The following TUBA4B variants were observed in gnomAD, a reference collection of about 807,000 sequenced individuals.
TUBA4B encodes the protein tubulin-like protein alpha-4B.
Under a neutral mutation model 18.4 loss-of-function variants are expected in TUBA4B, and 13 were observed. That is an observed-to-expected ratio of 0.71 (90% CI 0.46 to 1.12). TUBA4B has a LOEUF of 1.12. Ranked by LOEUF, TUBA4B falls within the 50% of genes most tolerant of loss-of-function variation. The pLI is 0.00. For synonymous variants in TUBA4B, 101 were observed against 99.1 expected (o/e 1.02, Z -0.11); for missense variants, 244 against 250.0 (o/e 0.98, Z 0.16).
chr2:219,266,313 C>T, intron 1 of TUBA4B: 1 of 560,852 alleles, frequency 1.8e-6, no homozygotes, highest in Non-Finnish European at 3.2e-6. Context: ...CTAGCCCTGG[C>T]CCCTCCTCTG....
intron 1 of TUBA4B, among the ~76,000 whole-genome samples, chr2:219,264,850 G>T (rs1278657289): frequency 3.3e-5 from 5 of 152,342 alleles, no homozygotes; most frequent in Admixed American, 6.5e-5. Context: ...GGCTACTGTG[G>T]TGTGATTTCC....
rs1338602903 is a variant in TUBA4B at position 219,256,662 on chromosome 2, AAG to A, written c.12+3244_12+3245del. ...CCAGTGTAATTTCAAGGGTCCTTAT[AAG>A]TGAAAGAAGGAGGCAGGAGGGTCAG... On this transcript the variant is annotated intron_variant, in intron 1 of 3. Transcript: ENST00000490341. Among the ~76,000 whole-genome samples, 7 of 152,280 alleles carry A rather than the reference AAG, an allele frequency of 4.6e-5. No individual in the cohort carries two copies. The South Asian group carries it at 6.2e-4, about 14-fold the overall frequency.
Position 219,254,021 on chromosome 2 carries a change from G to T in TUBA4B, c.12+602G>T, listed in dbSNP as rs908137982. The T allele has an allele frequency of 1.0e-5, 7 of 673,118 alleles. No homozygotes were observed. The African/African-American group carries it at 1.1e-4, about 11-fold the overall frequency. The allele number at this position is 673,118 out of a possible 1,614,324, so 41.7% of individuals were successfully genotyped here. On this transcript the variant is annotated intron_variant, in intron 1 of 3. Coordinates refer to ENST00000490341, the MANE Select transcript of TUBA4B (RefSeq NM_001355221.1). ...GGGCGGCCCGCAGGCCACGCCTCCC[G>T]GGAGGGTAAGCGGCCCCCCCGAGGG...
rs1951679592 is a variant in TUBA4B at position 219,253,352 on chromosome 2, C to CA, written c.-55dup. ...TCAGCTCAGACGCGGGGTGCTGAGTCACGGGGGGGGGGTGGTTCTGTGGAT... is the reference window on the plus strand; with the variant it reads ...TCAGCTCAGACGCGGGGTGCTGAGTCAACGGGGGGGGGGTGGTTCTGTGGAT... On this transcript the variant is annotated 5_prime_UTR_variant, in exon 1 of 4. Coordinates refer to ENST00000490341, the MANE Select transcript of TUBA4B (RefSeq NM_001355221.1). The CA allele has an allele frequency of 1.3e-6, 2 of 1,524,552 alleles. No individual in the cohort carries two copies. Among genetic ancestry groups the CA allele is most frequent in the Non-Finnish European group, 8.8e-7 (1 of 1,142,674 alleles). The allele number at this position is 1,524,552 out of a possible 1,614,324, so 94.4% of individuals were successfully genotyped here. A position where few individuals can be genotyped will look rare whatever the true frequency, so the allele number is the denominator to read the frequency against.
intron 1 of TUBA4B, among the ~76,000 whole-genome samples, chr2:219,262,205 G>A (rs1258595701): frequency 6.6e-6 from 1 of 152,192 alleles, no homozygotes; most frequent in African/African-American, 2.4e-5. Flanking sequence ...CAGCAACTCG[G>A]GAGGCTGAAG....
chr2:219,270,189 G>T lies in TUBA4B; in HGVS notation c.59-13G>T. 5.5e-6 allele frequency: 4 copies of T among 732,860 alleles called. No homozygotes were observed. The highest frequency in any genetic ancestry group is 7.5e-6 in the Non-Finnish European group (3 of 397,560). The allele number at this position is 732,860 out of a possible 1,614,324, so 45.4% of individuals were successfully genotyped here. A position where few individuals can be genotyped will look rare whatever the true frequency, so the allele number is the denominator to read the frequency against. ...GCCCAAAACTCTGCCCACTGCAGAT[G>T]AACTTTGAACAGGCACATACCGCCA... is the stretch of plus-strand genomic sequence containing the variant. On this transcript the variant is annotated splice_polypyrimidine_tract_variant and intron_variant, in intron 2 of 3. Transcript: ENST00000490341.
At chr2:219,264,408 T>C (rs564500334) in intron 1 of TUBA4B, among the ~76,000 whole-genome samples, 11 of 148,576 alleles carry the variant, frequency 7.4e-5, no homozygotes, top group African/African-American at 2.7e-4. Flanking sequence ...TGCAGTGAGC[T>C]GAGATCATGC....
rs1951818657 is a variant in TUBA4B, at chr2:219,270,449, G to A, written c.192+114G>A. The A allele has an allele frequency of 7.7e-6, 5 of 650,594 alleles. No individual in the cohort carries two copies. In the Admixed American group the frequency reaches 8.8e-5, roughly 11 times the overall value. The allele number at this position is 650,594 out of a possible 1,614,324, so 40.3% of individuals were successfully genotyped here. The stretch of plus-strand genomic sequence containing the variant: ...CTTCAGCCTCTGGGAGAAACACACA[G>A]GATCAGGACCAATGAGGAGAGGCCC... On this transcript the variant is annotated intron_variant, in intron 3 of 3. Coordinates refer to ENST00000490341, the MANE Select transcript of TUBA4B (RefSeq NM_001355221.1).
At chr2:219,257,163 C>T (rs1302914910) in intron 1 of TUBA4B, among the ~76,000 whole-genome samples, 1 of 150,002 alleles carries the variant, frequency 6.7e-6, no homozygotes, top group Non-Finnish European at 1.5e-5. Flanking sequence ...CCTGCCTCAG[C>T]CTCCCGAGTA....
intron 1 of TUBA4B, among the ~76,000 whole-genome samples, chr2:219,265,921 C>CAG (rs1951786770): frequency 6.6e-6 from 1 of 152,236 alleles, no homozygotes; most frequent in Non-Finnish European, 1.5e-5. Flanking sequence ...CCCCATTCTC[C>CAG]AGAGAGAGAA....
chr2:219,262,595 C>T (rs1951766101), intron 1 of TUBA4B, among the ~76,000 whole-genome samples: 1 of 152,188 alleles, frequency 6.6e-6, no homozygotes, highest in African/African-American at 2.4e-5. Flanking sequence ...GCAACCTTGA[C>T]CTCCTGCGCT....
intron 1 of TUBA4B, among the ~76,000 whole-genome samples, chr2:219,262,576 C>T (rs947673117): frequency 2.0e-5 from 3 of 152,138 alleles, no homozygotes; most frequent in South Asian, 2.1e-4. Flanking sequence ...GGCATGATCA[C>T]GGCTCACTGC....
chr2:219,258,116 C>T (rs1951733910), intron 1 of TUBA4B, among the ~76,000 whole-genome samples: 1 of 150,568 alleles, frequency 6.6e-6, no homozygotes, highest in Non-Finnish European at 1.5e-5. Context: ...GCCTCAAAGT[C>T]CCGAGTAGCT....
chr2:219,255,688 G>A (rs145234656), intron 1 of TUBA4B, among the ~76,000 whole-genome samples: 1 of 152,234 alleles, frequency 6.6e-6, no homozygotes, highest in Non-Finnish European at 1.5e-5. Context: ...TTTTCTAATT[G>A]TCTCCCTTCA....
At chr2:219,259,163 TAAATA>T (rs1559279745) in intron 1 of TUBA4B, among the ~76,000 whole-genome samples, 24 of 147,366 alleles carry the variant, frequency 1.6e-4, no homozygotes, top group African/African-American at 6.2e-4. Flanking sequence ...AATAAATAAA[TAAATA>T]AATTATCCGG....
intron 1 of TUBA4B, chr2:219,266,140 G>A: frequency 1.0e-5 from 2 of 196,578 alleles, no homozygotes; most frequent in Non-Finnish European, 2.1e-5. Context: ...CTAGGGCAGG[G>A]GAGTGCAGGG....
chr2:219,270,013 A>T (rs1182911825), intron 2 of TUBA4B, among the ~76,000 whole-genome samples, 189 bp from the exon 3 acceptor site: 2 of 152,106 alleles, frequency 1.3e-5, no homozygotes, highest in Non-Finnish European at 2.9e-5. Flanking sequence ...GCCACTCCAC[A>T]TCCCTTTCCT....
intron 1 of TUBA4B, among the ~76,000 whole-genome samples, chr2:219,262,603 G>A (rs1336751186): frequency 6.6e-6 from 1 of 152,076 alleles, no homozygotes; most frequent in African/African-American, 2.4e-5. Context: ...GACCTCCTGC[G>A]CTCAAGTGAG....
In TUBA4B at chr2:219,270,197, A is replaced by G. The variant is rs767954912; in HGVS notation, c.59-5A>G. Reference sequence around the variant, plus strand: ...CTCTGCCCACTGCAGATGAACTTTGAACAGGCACATACCGCCAGATCTTCC... The same window carrying G: ...CTCTGCCCACTGCAGATGAACTTTGGACAGGCACATACCGCCAGATCTTCC... On this transcript the variant is annotated splice_polypyrimidine_tract_variant and splice_region_variant and intron_variant, in intron 2 of 3. Coordinates refer to ENST00000490341, the MANE Select transcript of TUBA4B (RefSeq NM_001355221.1). The G allele has an allele frequency of 2.0e-5, 15 of 742,128 alleles. No homozygotes were observed. In the South Asian group the frequency reaches 2.1e-4, roughly 11 times the overall value. The allele number at this position is 742,128 out of a possible 1,614,324, so 46.0% of individuals were successfully genotyped here. A position where few individuals can be genotyped will look rare whatever the true frequency, so the allele number is the denominator to read the frequency against.
Sources: gnomAD v4.1 joint callset for allele counts (sites outside exome capture counted in the v4.1 genomes callset) on GRCh38, gnomAD v4.1.1 for gene constraint, MANE v1.5 for transcripts, NCBI Gene and HGNC (gene_info 2026-07-23, HGNC 2026-07-21) for gene names.